FHIT: variants seen among roughly 807,000 people sequenced by gnomAD.
FHIT encodes the protein fragile histidine triad diadenosine triphosphatase.
A neutral mutation model predicts 17.9 loss-of-function variants in FHIT; 19 were observed. The ratio of observed to expected loss-of-function variants is 1.06; its 90% CI spans 0.74 to 1.56. The LOEUF (loss-of-function observed/expected upper bound fraction) is 1.56, where lower values mean the gene tolerates loss of function less well. FHIT is among the 40% of genes most tolerant of loss of function. The pLI is 0.00. For missense variants in FHIT, 248 were observed against 189.2 expected (o/e 1.31, Z -1.82); for synonymous variants, 81 against 69.7 (o/e 1.16, Z -0.81).
chr3:60,758,615 A>G (rs1699530088), intron 4 of FHIT, among the ~76,000 whole-genome samples: 1 of 152,226 alleles, frequency 6.6e-6, no homozygotes, highest in Non-Finnish European at 1.5e-5. Flanking sequence ...AGTGGTCATC[A>G]GTATTTGATT....
Position 59,795,384 on chromosome 3 carries a change from GAA to G in FHIT, c.349-43065_349-43064del, listed in dbSNP as rs11315084. 2.4e-4 allele frequency among the ~76,000 whole-genome samples: 35 copies of G among 145,148 alleles called. No individual in the cohort carries two copies. The South Asian group carries it at 2.6e-3, about 11-fold the overall frequency. On this transcript the variant is annotated intron_variant, in intron 8 of 9. Coordinates refer to ENST00000492590, the MANE Select transcript of FHIT (RefSeq NM_002012.4). The stretch of plus-strand genomic sequence containing the variant: ...GGGTGACAGAGCAAGACCCTGTCTC[GAA>G]AAAAAAAAAATACCATAACATTTTT...
chr3:60,986,195 CA>C (rs371040431), intron 3 of FHIT, among the ~76,000 whole-genome samples: 2 of 152,202 alleles, frequency 1.3e-5, no homozygotes, highest in African/African-American at 4.8e-5. Context: ...TTTGAGGGGT[CA>C]TTATTCAGTC....
chr3:61,248,865 T>A (rs2040546875), intron 1 of FHIT, among the ~76,000 whole-genome samples: 1 of 152,178 alleles, frequency 6.6e-6, no homozygotes, highest in Admixed American at 6.5e-5. Context: ...CATGAGGGCA[T>A]GAGATGAAGA....
rs1491311135 is a variant in FHIT at position 61,239,761 on chromosome 3, C to CTATATATATATATAT, written c.-213+11539_-213+11540insATATATATATATATA. On this transcript the variant is annotated intron_variant, in intron 1 of 9. Transcript: ENST00000492590. ...TAAAACTGCAAAGAAAAACAACTGG[C>CTATATATATATATAT]CATATATATATATATATATATATAC... Among the ~76,000 whole-genome samples the CTATATATATATATAT allele has an allele frequency of 5.4e-3, 339 of 63,164 alleles. 6 individuals are homozygous for CTATATATATATATAT. The highest frequency in any genetic ancestry group is 8.9e-3 in the Non-Finnish European group (295 of 33,322). 41.4% of individuals were successfully genotyped at this position (63,164 alleles called of 152,430 possible). A position where few individuals can be genotyped will look rare whatever the true frequency, so the allele number is the denominator to read the frequency against.
chr3:60,172,490 G>A (rs1376029919), intron 5 of FHIT, among the ~76,000 whole-genome samples: 2 of 151,504 alleles, frequency 1.3e-5, no homozygotes, highest in East Asian at 3.9e-4. Context: ...TAGTCAGGCT[G>A]GTCTCGAACT....
chr3:60,167,670 C>T (rs1251098760), intron 5 of FHIT, among the ~76,000 whole-genome samples: 1 of 152,196 alleles, frequency 6.6e-6, no homozygotes. Context: ...CATTTTTGTC[C>T]TGTTGCCTAT....
chr3:60,534,138 G>A lies in FHIT; in HGVS notation c.103+2722C>T, dbSNP rs1476502582. Among the ~76,000 whole-genome samples, 2 of 152,098 alleles carry A rather than the reference G, an allele frequency of 1.3e-5. 1 individual carries two copies. The highest frequency in any genetic ancestry group is 2.9e-5 in the Non-Finnish European group (2 of 68,014). On this transcript the variant is annotated intron_variant, in intron 5 of 9. Transcript: ENST00000492590. ...GCAAAGGAGTACCTTATTAAGATGC[G>A]TCTCCCAGGCCGGGCGCGGTGGCTC...
At chr3:60,712,892 C>T (rs1270521929) in intron 4 of FHIT, among the ~76,000 whole-genome samples, 10 of 144,200 alleles carry the variant, frequency 6.9e-5, no homozygotes, top group African/African-American at 2.3e-4. Context: ...AACAAGGATA[C>T]CCAGGAATTG....
chr3:60,442,531 T>C (rs2030979776), intron 5 of FHIT, among the ~76,000 whole-genome samples: 1 of 152,210 alleles, frequency 6.6e-6, no homozygotes, highest in Non-Finnish European at 1.5e-5. Flanking sequence ...AAATAGGGAA[T>C]CCTTTCCCCA....
At chr3:60,260,878 C>T (rs143633664) in intron 5 of FHIT, among the ~76,000 whole-genome samples, 1 of 151,974 alleles carries the variant, frequency 6.6e-6, no homozygotes, top group Non-Finnish European at 1.5e-5. Flanking sequence ...AATTACAATG[C>T]ATCAGTGTGC....
chr3:60,755,546 A>G (rs1340484409), intron 4 of FHIT, among the ~76,000 whole-genome samples: 3 of 152,240 alleles, frequency 2.0e-5, no homozygotes, highest in African/African-American at 7.2e-5. Context: ...GCTGACTGAT[A>G]AATGACAAGC....
At chr3:59,834,605 G>A (rs1701277620) in intron 8 of FHIT, among the ~76,000 whole-genome samples, 1 of 152,132 alleles carries the variant, frequency 6.6e-6, no homozygotes, top group African/African-American at 2.4e-5. Flanking sequence ...ACTTTTTACT[G>A]TATCCTCACG....
intron 5 of FHIT, among the ~76,000 whole-genome samples, chr3:60,313,770 G>C (rs1201911622): frequency 2.0e-5 from 3 of 152,150 alleles, no homozygotes; most frequent in Non-Finnish European, 4.4e-5. Flanking sequence ...GAGAGGATGA[G>C]GTTAGATCTT....
chr3:60,278,082 T>TA (rs537112989), intron 5 of FHIT, among the ~76,000 whole-genome samples: 90 of 152,302 alleles, frequency 5.9e-4, no homozygotes, highest in African/African-American at 2.0e-3. Flanking sequence ...TAGGAACTGA[T>TA]ACGAACACGT....
chr3:59,869,561 A>G lies in FHIT; in HGVS notation c.348+52785T>C, dbSNP rs978134161. On this transcript the variant is annotated intron_variant, in intron 8 of 9. Transcript: ENST00000492590. Reference sequence around the variant, plus strand: ...CAGTGGAGCGATCTCGGCATACTGTAAGCTCTGCCTCCCGGGTTCACGCCA... The same window carrying G: ...CAGTGGAGCGATCTCGGCATACTGTGAGCTCTGCCTCCCGGGTTCACGCCA... Among the ~76,000 whole-genome samples, 127 of 141,682 alleles carry G rather than the reference A, an allele frequency of 9.0e-4. 1 individual carries two copies. The highest frequency in any genetic ancestry group is 1.3e-3 in the Admixed American group (18 of 13,592). The allele number at this position is 141,682 out of a possible 152,430, so 92.9% of individuals were successfully genotyped here.
At chr3:60,605,085 G>C (rs1466151091) in intron 4 of FHIT, among the ~76,000 whole-genome samples, 6 of 151,948 alleles carry the variant, frequency 3.9e-5, no homozygotes, top group South Asian at 2.1e-4. Context: ...ACTAAGTTGA[G>C]GATTCTATAC....
intron 5 of FHIT, among the ~76,000 whole-genome samples, chr3:60,117,890 T>C: frequency 6.6e-6 from 1 of 152,160 alleles, no homozygotes; most frequent in Non-Finnish European, 1.5e-5. Flanking sequence ...AGTACCCAGA[T>C]GCCTTAGGAT....
intron 5 of FHIT, among the ~76,000 whole-genome samples, chr3:60,200,431 C>T (rs1201886462): frequency 6.6e-6 from 1 of 152,100 alleles, no homozygotes; most frequent in African/African-American, 2.4e-5. Context: ...TACTTTTGAC[C>T]TCCCCCTTCT....
At chr3:60,698,348 T>C (rs1577081396) in intron 4 of FHIT, among the ~76,000 whole-genome samples, 1 of 152,238 alleles carries the variant, frequency 6.6e-6, no homozygotes, top group South Asian at 2.1e-4. Flanking sequence ...TTCAGGAATA[T>C]AAATCAGGCT....
Sources: gnomAD v4.1 joint callset for allele counts (sites outside exome capture counted in the v4.1 genomes callset) on GRCh38, gnomAD v4.1.1 for gene constraint, MANE v1.5 for transcripts, NCBI Gene and HGNC (gene_info 2026-07-23, HGNC 2026-07-21) for gene names.